Variants in MAD1L1 observed in about 807,000 individuals in gnomAD.
The protein encoded by MAD1L1 is mitotic arrest deficient 1 like 1, also known as mitotic spindle assembly checkpoint protein MAD1.
A neutral mutation model predicts 96.9 loss-of-function variants in MAD1L1; 95 were observed. The observed-to-expected ratio is 0.98, with a 90% CI of 0.83 to 1.16. MAD1L1 has a LOEUF of 1.16. Ranked by LOEUF, MAD1L1 falls within the 50% of genes most tolerant of loss-of-function variation. The pLI, the probability that MAD1L1 is intolerant of heterozygous loss-of-function variation, is 0.00. For synonymous variants in MAD1L1, 473 were observed against 396.6 expected, an observed-to-expected ratio of 1.19 and a Z score of -2.29; for missense variants, 1,007 against 954.4, an observed-to-expected ratio of 1.06 and a Z score of -0.73.
At chr7:2,113,449 A>G (rs4721412) in intron 11 of MAD1L1, among the ~76,000 whole-genome samples, 108,956 of 151,958 alleles carry the variant, frequency 0.72, 39,583 homozygotes, top group African/African-American at 0.81. Flanking sequence ...GCGTGGTGGC[A>G]GGCGCCTGTG....
At chr7:1,908,149 G>C (rs1583741142) in intron 17 of MAD1L1, among the ~76,000 whole-genome samples, 1 of 152,204 alleles carries the variant, frequency 6.6e-6, no homozygotes, top group Non-Finnish European at 1.5e-5. Flanking sequence ...AGCATGACAG[G>C]CCCAGCAAGT....
At chr7:2,065,394 C>G (rs1258967199) in intron 12 of MAD1L1, among the ~76,000 whole-genome samples, 3 of 152,216 alleles carry the variant, frequency 2.0e-5, no homozygotes, top group Non-Finnish European at 2.9e-5. Flanking sequence ...GCAGGCCCAG[C>G]CACGTTGGTT....
At chr7:1,908,710 G>A (rs1057019590) in intron 17 of MAD1L1, among the ~76,000 whole-genome samples, 3 of 152,174 alleles carry the variant, frequency 2.0e-5, no homozygotes, top group African/African-American at 7.2e-5. Context: ...GCTCAGCACT[G>A]CTGTGGAGAA....
chr7:1,936,424 G>T (rs1778608162), intron 17 of MAD1L1, among the ~76,000 whole-genome samples: 1 of 152,214 alleles, frequency 6.6e-6, no homozygotes, highest in South Asian at 2.1e-4. Context: ...ATTAGTTTAA[G>T]GGCCTGAAAT....
intron 18 of MAD1L1, among the ~76,000 whole-genome samples, chr7:1,824,001 G>A (rs371996925): frequency 3.9e-5 from 6 of 152,168 alleles, no homozygotes; most frequent in African/African-American, 1.4e-4. Flanking sequence ...GCCCATTTGT[G>A]GGGGGACGGA....
At chr7:2,102,563 C>T (rs1286170714) in intron 11 of MAD1L1, among the ~76,000 whole-genome samples, 1 of 152,102 alleles carries the variant, frequency 6.6e-6, no homozygotes, top group African/African-American at 2.4e-5. Context: ...ACAACTGTCA[C>T]CATCACTCTC....
chr7:1,908,929 G>A (rs1787843820), intron 17 of MAD1L1, among the ~76,000 whole-genome samples: 1 of 152,194 alleles, frequency 6.6e-6, no homozygotes, highest in Admixed American at 6.5e-5. Flanking sequence ...CGCCTGGCAT[G>A]AGCAGCGGCC....
At chr7:1,979,653 G>A (rs190668389) in intron 15 of MAD1L1, among the ~76,000 whole-genome samples, 49 of 152,330 alleles carry the variant, frequency 3.2e-4, no homozygotes, top group Non-Finnish European at 6.3e-4. Context: ...CTCTAGGGGC[G>A]CCGTGTGCAA....
intron 18 of MAD1L1, among the ~76,000 whole-genome samples, chr7:1,870,028 G>T (rs970951863): frequency 1.3e-5 from 2 of 152,180 alleles, no homozygotes; most frequent in Non-Finnish European, 2.9e-5. Context: ...ACATTGGTAG[G>T]TGAGGTGTGG....
rs191259469 is a variant in MAD1L1, at chr7:1,893,366, C to T, written c.1998+4834G>A. ...TATCCCAGCACACATCTGTGGAACC[C>T]GCTTGACTGGAAACGGCTTCGGCTA... On this transcript the variant is annotated intron_variant, in intron 18 of 18. Transcript: ENST00000265854. Among the ~76,000 whole-genome samples, 8 of 152,334 alleles carry T rather than the reference C, an allele frequency of 5.3e-5. No homozygotes were observed. The East Asian group carries it at 5.8e-4, about 11-fold the overall frequency.
At chr7:2,189,426 G>A (rs115281177) in intron 10 of MAD1L1, among the ~76,000 whole-genome samples, 212 of 152,294 alleles carry the variant, frequency 1.4e-3, no homozygotes, top group African/African-American at 5.0e-3. Flanking sequence ...TAAGAAGAAC[G>A]GATCGTCTAT....
chr7:2,093,677 C>T (rs1786329859), intron 11 of MAD1L1, among the ~76,000 whole-genome samples: 1 of 152,202 alleles, frequency 6.6e-6, no homozygotes, highest in African/African-American at 2.4e-5. Context: ...GCAGATCCGG[C>T]GAACCTAGAA....
At chr7:2,024,116 A>T (rs55874937) in intron 12 of MAD1L1, among the ~76,000 whole-genome samples, 5,345 of 151,952 alleles carry the variant, frequency 0.035, 187 homozygotes, top group Admixed American at 0.096. Flanking sequence ...ATTAAAAAAA[A>T]AAAATAAAAA....
intron 18 of MAD1L1, among the ~76,000 whole-genome samples, chr7:1,853,407 G>C (rs765508810): frequency 1.3e-5 from 2 of 152,162 alleles, no homozygotes; most frequent in Admixed American, 6.5e-5. Context: ...GACGCACACG[G>C]CAGCCCTGCC....
intron 10 of MAD1L1, among the ~76,000 whole-genome samples, chr7:2,194,328 T>C: frequency 6.6e-6 from 1 of 152,246 alleles, no homozygotes; most frequent in South Asian, 2.1e-4. Context: ...TTAGCAGGCA[T>C]GGCCTTCAGG....
chr7:1,820,633 C>T (rs1404290863), intron 18 of MAD1L1, among the ~76,000 whole-genome samples: 2 of 151,942 alleles, frequency 1.3e-5, no homozygotes, highest in African/African-American at 4.8e-5. Flanking sequence ...GTGGCATACA[C>T]CTGTAGCCCC....
chr7:1,913,456 G>A (rs1374251788), intron 17 of MAD1L1, among the ~76,000 whole-genome samples: 1 of 18,366 alleles, frequency 5.4e-5, no homozygotes, highest in Non-Finnish European at 1.4e-4. Context: ...GAACCGTCGG[G>A]GGAGGCTCTC....
chr7:1,921,062 A>T lies in MAD1L1; in HGVS notation c.1807+15625T>A, dbSNP rs192019329. ...AGGCGGCCTGGAGCCAGCAGTGGGGACTCAGGACCCCTGCCCAGCAGATGG... is the reference window on the plus strand; with the variant it reads ...AGGCGGCCTGGAGCCAGCAGTGGGGTCTCAGGACCCCTGCCCAGCAGATGG... On this transcript the variant is annotated intron_variant, in intron 17 of 18. Coordinates refer to ENST00000265854, the MANE Select transcript of MAD1L1 (RefSeq NM_001013836.2). Among the ~76,000 whole-genome samples the T allele has an allele frequency of 3.3e-4, 50 of 152,074 alleles. No homozygotes were observed. In the East Asian group the frequency reaches 7.8e-3, roughly 24 times the overall value.
At chr7:2,080,240 T>C (rs1029712332) in intron 11 of MAD1L1, among the ~76,000 whole-genome samples, 1 of 152,242 alleles carries the variant, frequency 6.6e-6, no homozygotes, top group Non-Finnish European at 1.5e-5. Flanking sequence ...GCTGCTTTCC[T>C]GTGACAGAGC....
Sources: gnomAD v4.1 joint callset for allele counts (sites outside exome capture counted in the v4.1 genomes callset) on GRCh38, gnomAD v4.1.1 for gene constraint, MANE v1.5 for transcripts, NCBI Gene and HGNC (gene_info 2026-07-23, HGNC 2026-07-21) for gene names.